The following CBFA2T3 variants were observed in gnomAD, a reference collection of about 807,000 sequenced individuals.
CBFA2T3 encodes CBFA2/RUNX1 partner transcriptional co-repressor 3.
Under a neutral mutation model 58.6 loss-of-function variants are expected in CBFA2T3, and 31 were observed. The ratio of observed to expected loss-of-function variants is 0.53; its 90% CI spans 0.40 to 0.71. The LOEUF is 0.71. Among genes scored for constraint, CBFA2T3 ranks in the 30% least tolerant of loss-of-function variants. CBFA2T3 has a pLI of 0.00. For synonymous variants in CBFA2T3, 531 were observed against 421.9 expected, an observed-to-expected ratio of 1.26 and a Z score of -3.17; for missense variants, 1,076 against 963.1, an observed-to-expected ratio of 1.12 and a Z score of -1.55.
intron 1 of CBFA2T3, among the ~76,000 whole-genome samples, chr16:88,926,242 G>A (rs1364886420): frequency 7.3e-6 from 1 of 137,720 alleles, no homozygotes; most frequent in Admixed American, 7.1e-5. Flanking sequence ...GTTCCCAGAG[G>A]CGAGGAGTGA....
At chr16:88,938,814 G>A (rs188060697) in intron 1 of CBFA2T3, 3 of 152,354 alleles carry the variant, frequency 2.0e-5, no homozygotes, top group Non-Finnish European at 2.9e-5. Context: ...CTTCCACCCT[G>A]GCACTGTGGG....
intron 1 of CBFA2T3, among the ~76,000 whole-genome samples, chr16:88,905,272 C>A (rs1238438835): frequency 6.6e-6 from 1 of 152,106 alleles, no homozygotes; most frequent in East Asian, 1.9e-4. Flanking sequence ...CCAGCCCACA[C>A]CCACTCCATG....
Position 88,877,209 on chromosome 16 carries a change from C to T in CBFA2T3, c.1729G>A (p.Gly577Arg), listed in dbSNP as rs1023345928. 5 of 1,556,164 alleles carry T rather than the reference C, an allele frequency of 3.2e-6. No individual in the cohort carries two copies. The highest frequency in any genetic ancestry group is 4.3e-6 in the Non-Finnish European group (5 of 1,150,476). Residue 577 changes from glycine to arginine, a missense_variant, in exon 12 of 12, where the codon GGG becomes AGG. Physicochemically the swap from Gly to Arg is moderately radical, Grantham distance 125. Transcript: ENST00000268679. Reference protein sequence around the residue: ...CSGCNAARYCGSFCQHRDWEK... With the variant: ...CSGCNAARYCRSFCQHRDWEK... The stretch of plus-strand genomic sequence containing the variant: ...CAGTCCCGATGCTGGCAGAAGGACC[C>T]GCAGTAGCGTGCCGCGTTGCAGCCG...
At chr16:88,905,036 T>C (rs757194909) in intron 1 of CBFA2T3, among the ~76,000 whole-genome samples, 1 of 150,472 alleles carries the variant, frequency 6.6e-6, no homozygotes, top group Non-Finnish European at 1.5e-5. Context: ...TCAGAGAAGA[T>C]GAGGGGTGAG....
Position 88,876,603 on chromosome 16 carries a change from AGAG to A in CBFA2T3, c.*370_*372del, listed in dbSNP as rs751476505. On this transcript the variant is annotated 3_prime_UTR_variant, in exon 12 of 12. Coordinates refer to ENST00000268679, the MANE Select transcript of CBFA2T3 (RefSeq NM_005187.6). ...TGATAGTCATAGAGAGAGAGAGGAT[AGAG>A]AAGACAGAGGGGGAGAGACAGACAG... The A allele has an allele frequency of 7.1e-6, 2 of 280,958 alleles. No individual in the cohort carries two copies. Among genetic ancestry groups the A allele is most frequent in the Non-Finnish European group, 6.6e-6 (1 of 150,910 alleles). 17.4% of individuals were successfully genotyped at this position (280,958 alleles called of 1,614,324 possible).
At chr16:88,974,166 G>C (rs535427553) in intron 1 of CBFA2T3, among the ~76,000 whole-genome samples, 16 of 152,290 alleles carry the variant, frequency 1.1e-4, no homozygotes, top group South Asian at 8.3e-4. Context: ...CCTCTCTCCT[G>C]AGGCAGTCAG....
intron 10 of CBFA2T3, 93 bp downstream of exon 10, chr16:88,880,627 A>G (rs1969029619): frequency 2.9e-6 from 3 of 1,049,496 alleles, no homozygotes; most frequent in Non-Finnish European, 4.3e-6. Context: ...CCAGAGAGAG[A>G]CAGAAGCTCT....
chr16:88,945,987 A>C (rs1971891830), intron 1 of CBFA2T3, among the ~76,000 whole-genome samples: 1 of 152,210 alleles, frequency 6.6e-6, no homozygotes, highest in African/African-American at 2.4e-5. Context: ...TCCATGACAA[A>C]AGTAGTGAGC....
chr16:88,878,968 C>T (rs1294352513), intron 11 of CBFA2T3, among the ~76,000 whole-genome samples: 1 of 152,204 alleles, frequency 6.6e-6, no homozygotes, highest in Non-Finnish European at 1.5e-5. Context: ...CATCAGCCAA[C>T]CTGGGCTCGA....
At chr16:88,911,297 G>T (rs1282202182) in intron 1 of CBFA2T3, among the ~76,000 whole-genome samples, 1 of 152,248 alleles carries the variant, frequency 6.6e-6, no homozygotes, top group African/African-American at 2.4e-5. Context: ...GGGCCAGGTG[G>T]CAGGAAACCC....
chr16:88,917,351 G>A (rs929827161), intron 1 of CBFA2T3, among the ~76,000 whole-genome samples: 1 of 149,432 alleles, frequency 6.7e-6, no homozygotes, highest in African/African-American at 2.4e-5. Context: ...ACCGTGGGAG[G>A]GGAGGGCCTG....
At chr16:88,881,200 G>T in intron 9 of CBFA2T3, 91 bp downstream of exon 9, 1 of 1,151,276 alleles carries the variant, frequency 8.7e-7, no homozygotes, top group Non-Finnish European at 1.3e-6. Context: ...TCTGCCTGGT[G>T]TTTCGTTGCA....
intron 1 of CBFA2T3, among the ~76,000 whole-genome samples, chr16:88,928,212 C>T (rs781687178): frequency 1.1e-4 from 17 of 152,234 alleles, no homozygotes; most frequent in African/African-American, 2.7e-4. Context: ...GTGGTTTGTT[C>T]GGCAGCACTG....
At chr16:88,917,404 G>A (rs946376848) in intron 1 of CBFA2T3, among the ~76,000 whole-genome samples, 1 of 152,216 alleles carries the variant, frequency 6.6e-6, no homozygotes, top group African/African-American at 2.4e-5. Context: ...GGACAGGCAG[G>A]TCACACAGCC....
chr16:88,976,154 G>A (rs1972855643), intron 1 of CBFA2T3, among the ~76,000 whole-genome samples: 2 of 152,336 alleles, frequency 1.3e-5, no homozygotes, highest in Non-Finnish European at 1.5e-5. Flanking sequence ...CACTGCCCTG[G>A]CTGGAATCGT....
intron 1 of CBFA2T3, among the ~76,000 whole-genome samples, chr16:88,907,630 G>A (rs879834477): frequency 3.3e-5 from 5 of 152,010 alleles, no homozygotes; most frequent in Non-Finnish European, 5.9e-5. Flanking sequence ...ACCTGGCCCA[G>A]CTACCCCTTC....
chr16:88,946,580 T>C (rs1971907656), intron 1 of CBFA2T3, among the ~76,000 whole-genome samples: 1 of 149,992 alleles, frequency 6.7e-6, no homozygotes, highest in Admixed American at 6.6e-5. Flanking sequence ...CCTCCCGGGT[T>C]CAAGCAATTC....
At chr16:88,963,338 CTT>C (rs36069741) in intron 1 of CBFA2T3, among the ~76,000 whole-genome samples, 64 of 135,856 alleles carry the variant, frequency 4.7e-4, no homozygotes, top group Non-Finnish European at 6.2e-4. Flanking sequence ...TTCTGCCAGG[CTT>C]TTTTTTTTTT....
At chr16:88,897,388 A>C (rs1326527816) in intron 3 of CBFA2T3, among the ~76,000 whole-genome samples, 2 of 152,208 alleles carry the variant, frequency 1.3e-5, no homozygotes, top group African/African-American at 4.8e-5. Context: ...GTAGTGATGG[A>C]CCGGAGTCTG....
Sources: allele counts gnomAD v4.1 joint callset (sites outside exome capture counted in the v4.1 genomes callset), GRCh38; gene constraint gnomAD v4.1.1; transcripts MANE v1.5; gene names NCBI Gene and HGNC (gene_info 2026-07-23, HGNC 2026-07-21).